GLYR1: variants seen among roughly 807,000 people sequenced by gnomAD.
GLYR1 encodes the protein glyoxylate reductase 1 homolog, also known as cytokine-like nuclear factor N-PAC.
Under a neutral mutation model 72.7 loss-of-function variants are expected in GLYR1, and 21 were observed. That is an observed-to-expected ratio of 0.29 (90% CI 0.20 to 0.42). GLYR1 has a LOEUF of 0.42. GLYR1 is among the 10% of genes least tolerant of loss of function. The probability of loss-of-function intolerance (pLI) is 1.00; values close to 1 mark genes in which losing one functional copy is unlikely to be tolerated. For missense variants in GLYR1, 594 were observed against 712.1 expected, an observed-to-expected ratio of 0.83 and a Z score of 1.89; for synonymous variants, 392 against 270.2, an observed-to-expected ratio of 1.45 and a Z score of -4.42.
At chr16:4,813,130 T>C (rs1355307555) in intron 12 of GLYR1, among the ~76,000 whole-genome samples, 1 of 151,702 alleles carries the variant, frequency 6.6e-6, no homozygotes, top group Non-Finnish European at 1.5e-5. Flanking sequence ...GTCCGGCTAA[T>C]TTTTTTGTAT....
chr16:4,811,790 T>C lies in GLYR1; in HGVS notation c.1295A>G (p.Asn432Ser), dbSNP rs377422986. 23 of 1,613,086 alleles carry C rather than the reference T, an allele frequency of 1.4e-5. No individual in the cohort carries two copies. The highest frequency in any genetic ancestry group is 8.9e-5 in the East Asian group (4 of 44,882). Residue 432 changes from asparagine (N) to serine (S), a missense_variant, in exon 14 of 16, where the codon AAT (asparagine) becomes AGT (serine). This residue lies in a region of GLYR1 where 266 missense variants were observed against 358.4 expected (regional missense o/e 0.74). Coordinates refer to ENST00000321919, the MANE Select transcript of GLYR1 (RefSeq NM_032569.4). Reference sequence around the variant, plus strand: ...CACGATCAGCATCATCTTGGCTGCATTGCCCACTTCACCTGCCCAGGGTAA... The same window carrying C: ...CACGATCAGCATCATCTTGGCTGCACTGCCCACTTCACCTGCCCAGGGTAA... ...KTSFFLGEVGNAAKMMLIVNM... is the reference protein window; with the variant it reads ...KTSFFLGEVGSAAKMMLIVNM...
chr16:4,845,545 G>A (rs567742960), intron 2 of GLYR1, among the ~76,000 whole-genome samples: 111 of 150,498 alleles, frequency 7.4e-4, no homozygotes, highest in Middle Eastern at 6.8e-3. Context: ...AAATGCAGAC[G>A]ACACTCTTTG....
At chr16:4,830,816 C>A (rs755560582) in intron 5 of GLYR1, among the ~76,000 whole-genome samples, 7 of 152,194 alleles carry the variant, frequency 4.6e-5, no homozygotes, top group Non-Finnish European at 7.3e-5. Flanking sequence ...GCTAGCTCCT[C>A]CTGCTCCTTC....
At chr16:4,846,136 C>T (rs780996963) in intron 2 of GLYR1, 38 bp downstream of exon 2, 73 of 1,611,752 alleles carry the variant, frequency 4.5e-5, no homozygotes, top group Non-Finnish European at 8.5e-6. Context: ...TCTTCAAACC[C>T]AACTTCAGAT....
At chr16:4,821,518 T>G (rs780983313) in intron 8 of GLYR1, 29 bp downstream of exon 8, 1 of 1,613,940 alleles carries the variant, frequency 6.2e-7, no homozygotes, top group East Asian at 2.2e-5. Flanking sequence ...AGGTGAAAAT[T>G]AAAATGGGGA....
chr16:4,807,778 G>A (rs1174739190), intron 15 of GLYR1, among the ~76,000 whole-genome samples: 3 of 152,150 alleles, frequency 2.0e-5, no homozygotes, highest in African/African-American at 7.2e-5. Context: ...AGTCAGAAAT[G>A]AGCTTTCATC....
rs2082842570 is a variant in GLYR1, at chr16:4,804,176, A to T, written c.*1060T>A. 1 of 152,464 alleles carries T rather than the reference A, an allele frequency of 6.6e-6. No individual in the cohort carries two copies. Among genetic ancestry groups the T allele is most frequent in the Non-Finnish European group, 1.5e-5 (1 of 68,150 alleles). The allele number at this position is 152,464 out of a possible 1,614,324, so 9.4% of individuals were successfully genotyped here. On this transcript the variant is annotated 3_prime_UTR_variant, in exon 16 of 16. Coordinates refer to ENST00000321919, the MANE Select transcript of GLYR1 (RefSeq NM_032569.4). ...GGGCCAAAGGGACAGACAGAAAGAAATACTGTCTCCACGGGAGGAAGAGGG... is the reference window on the plus strand; with the variant it reads ...GGGCCAAAGGGACAGACAGAAAGAATTACTGTCTCCACGGGAGGAAGAGGG...
chr16:4,820,960 C>G (rs571230221), intron 9 of GLYR1, among the ~76,000 whole-genome samples: 4 of 152,356 alleles, frequency 2.6e-5, no homozygotes, highest in South Asian at 4.1e-4. Context: ...GGGGCCTCAT[C>G]ATGATTCTAC....
At chr16:4,819,198 T>C (rs1338221869) in intron 9 of GLYR1, among the ~76,000 whole-genome samples, 2 of 151,968 alleles carry the variant, frequency 1.3e-5, no homozygotes, top group Non-Finnish European at 2.9e-5. Flanking sequence ...AAAAGAGAGA[T>C]GGGGGGGTCT....
rs561185311 is a variant in GLYR1 at position 4,822,680 on chromosome 16, C to T, written c.681+195G>A. ...CTGGGATGACAGGTGTGAGCCACCG[C>T]GCCCGGCCTGGATTTACTTTTAATC... is the stretch of plus-strand genomic sequence containing the variant. On this transcript the variant is annotated intron_variant, in intron 7 of 15. Transcript: ENST00000321919. Among the ~76,000 whole-genome samples, 22 of 152,310 alleles carry T rather than the reference C, an allele frequency of 1.4e-4. 1 individual carries two copies. In the South Asian group the frequency reaches 2.1e-3, roughly 14 times the overall value.
intron 10 of GLYR1, among the ~76,000 whole-genome samples, chr16:4,815,757 T>A (rs2083596556): frequency 6.6e-6 from 1 of 152,084 alleles, no homozygotes. Context: ...TCCTACCTGA[T>A]CATTTAACCA....
chr16:4,826,603 T>C (rs562589504), intron 5 of GLYR1, among the ~76,000 whole-genome samples: 15 of 152,268 alleles, frequency 9.9e-5, no homozygotes, highest in African/African-American at 3.4e-4. Context: ...TCAATAAACA[T>C]TTGTTGAATG....
intron 15 of GLYR1, among the ~76,000 whole-genome samples, chr16:4,810,348 T>C (rs1040674804): frequency 6.6e-6 from 1 of 151,076 alleles, no homozygotes; most frequent in Admixed American, 6.6e-5. Context: ...AATACAAAAA[T>C]TAGCAGGGCG....
In GLYR1 at chr16:4,804,730, C is replaced by T; in HGVS notation, c.*506G>A. The T allele has an allele frequency of 5.7e-6, 1 of 176,880 alleles. No individual in the cohort carries two copies. The highest frequency in any genetic ancestry group is 1.2e-5 in the Non-Finnish European group (1 of 80,954). The allele number at this position is 176,880 out of a possible 1,614,324, so 11.0% of individuals were successfully genotyped here. A position where few individuals can be genotyped will look rare whatever the true frequency, so the allele number is the denominator to read the frequency against. On this transcript the variant is annotated 3_prime_UTR_variant, in exon 16 of 16. Coordinates refer to ENST00000321919, the MANE Select transcript of GLYR1 (RefSeq NM_032569.4). Reference sequence around the variant, plus strand: ...TGGAGTCTGTACTGGCTCATCTGGGCCCAAGGCCTCTCCTTGTAGGGAATC... The same window carrying T: ...TGGAGTCTGTACTGGCTCATCTGGGTCCAAGGCCTCTCCTTGTAGGGAATC...
At chr16:4,844,654 G>A (rs112312954) in intron 3 of GLYR1, among the ~76,000 whole-genome samples, 19 of 152,276 alleles carry the variant, frequency 1.2e-4, no homozygotes, top group South Asian at 4.1e-4. Context: ...CCAGCTACTC[G>A]GGAGGCTGAG....
intron 14 of GLYR1, 61 bp downstream of exon 14, chr16:4,811,562 G>T: frequency 6.3e-7 from 1 of 1,589,638 alleles, no homozygotes; most frequent in South Asian, 1.1e-5. Flanking sequence ...CTAAATCCCT[G>T]ACCTAGTACC....
intron 1 of GLYR1, chr16:4,846,813 T>G: frequency 7.4e-6 from 2 of 270,320 alleles, no homozygotes; most frequent in South Asian, 4.0e-5. Flanking sequence ...GTCGGCTGCA[T>G]CGCAACCTGG....
intron 3 of GLYR1, among the ~76,000 whole-genome samples, chr16:4,837,759 C>G (rs920409709): frequency 6.6e-6 from 1 of 151,978 alleles, no homozygotes; most frequent in Non-Finnish European, 1.5e-5. Context: ...CGGTGAAACC[C>G]TGTCTCTACT....
At chr16:4,810,903 G>C (rs962191125) in intron 15 of GLYR1, among the ~76,000 whole-genome samples, 4 of 151,482 alleles carry the variant, frequency 2.6e-5, no homozygotes, top group Non-Finnish European at 4.4e-5. Context: ...TCAGGAGTTC[G>C]AGACCAGCCT....
Sources: allele counts gnomAD v4.1 joint callset (sites outside exome capture counted in the v4.1 genomes callset), GRCh38; gene constraint gnomAD v4.1.1; regional missense constraint gnomAD v4.1.1; transcripts MANE v1.5; gene names NCBI Gene and HGNC (gene_info 2026-07-23, HGNC 2026-07-21).